NOS1AP: variants seen among roughly 807,000 people sequenced by gnomAD.
NOS1AP encodes carboxyl-terminal PDZ ligand of neuronal nitric oxide synthase protein.
NOS1AP carries 21 observed loss-of-function variants against 56.2 expected under a neutral mutation model. That is an observed-to-expected ratio of 0.37 (90% CI 0.26 to 0.54). The LOEUF (loss-of-function observed/expected upper bound fraction) is 0.54, where lower values mean the gene tolerates loss of function less well. Among genes scored for constraint, NOS1AP ranks in the 20% least tolerant of loss-of-function variants. The probability of loss-of-function intolerance (pLI) is 0.84; values close to 1 mark genes in which losing one functional copy is unlikely to be tolerated. For missense variants in NOS1AP, 522 were observed against 657.8 expected (o/e 0.79, Z 2.26); for synonymous variants, 270 against 274.6 (o/e 0.98, Z 0.17).
intron 2 of NOS1AP, among the ~76,000 whole-genome samples, chr1:162,205,342 T>C (rs1652123126): frequency 6.6e-6 from 1 of 152,256 alleles, no homozygotes; most frequent in Non-Finnish European, 1.5e-5. Context: ...TTAGATGGTC[T>C]GGATGTTTAG....
At chr1:162,116,816 T>G (rs1267386894) in intron 1 of NOS1AP, among the ~76,000 whole-genome samples, 1 of 152,180 alleles carries the variant, frequency 6.6e-6, no homozygotes, top group African/African-American at 2.4e-5. Context: ...AGAACTTCAC[T>G]TGCCTGCCCC....
At chr1:162,337,083 G>A (rs909700142) in intron 5 of NOS1AP, among the ~76,000 whole-genome samples, 3 of 152,184 alleles carry the variant, frequency 2.0e-5, no homozygotes, top group South Asian at 2.1e-4. Flanking sequence ...GACCTCTCCC[G>A]TGGAGTGGAT....
intron 2 of NOS1AP, among the ~76,000 whole-genome samples, chr1:162,265,939 A>G (rs1480058339): frequency 6.6e-6 from 1 of 152,220 alleles, no homozygotes; most frequent in Non-Finnish European, 1.5e-5. Flanking sequence ...TCTGCCTAGT[A>G]TGACCCTGAC....
At chr1:162,321,572 G>A (rs1656413297) in intron 4 of NOS1AP, among the ~76,000 whole-genome samples, 1 of 151,918 alleles carries the variant, frequency 6.6e-6, no homozygotes, top group Non-Finnish European at 1.5e-5. Context: ...CCTGTTGTGG[G>A]GTAGGGGTAG....
intron 2 of NOS1AP, among the ~76,000 whole-genome samples, chr1:162,238,928 A>G (rs1653392078): frequency 6.6e-6 from 1 of 152,214 alleles, no homozygotes; most frequent in Non-Finnish European, 1.5e-5. Context: ...ATTAGAAATC[A>G]GAGTCAATAT....
At chr1:162,366,971 A>G in intron 9 of NOS1AP, 81 bp from the exon 10 acceptor site, 2 of 1,548,396 alleles carry the variant, frequency 1.3e-6, no homozygotes, top group Non-Finnish European at 1.8e-6. Context: ...TTGGCAGGGC[A>G]CGGGCGGGCA....
At chr1:162,174,092 A>G (rs905321193) in intron 2 of NOS1AP, among the ~76,000 whole-genome samples, 14 of 152,208 alleles carry the variant, frequency 9.2e-5, no homozygotes, top group Admixed American at 8.5e-4. Context: ...TCATGCTGCT[A>G]TAAAGATACA....
chr1:162,346,981 A>T (rs1233137766), intron 6 of NOS1AP, among the ~76,000 whole-genome samples: 1 of 152,172 alleles, frequency 6.6e-6, no homozygotes, highest in African/African-American at 2.4e-5. Context: ...TCTGTGATCT[A>T]GGGCTTAGAG....
chr1:162,367,164 G>A lies in NOS1AP; in HGVS notation c.1218G>A (p.Ala406=). 6.2e-7 allele frequency: 1 copy of A among 1,613,828 alleles called. No homozygotes were observed. The highest frequency in any genetic ancestry group is 8.5e-7 in the Non-Finnish European group (1 of 1,179,962). ...PEDLHSPPLG[A]GLADFAHPAG... ...ACCTGCATTCGCCGCCGCTGGGCGCGGGCTTGGCTGACTTTGCCCACCCTG... is the reference window on the plus strand; with the variant it reads ...ACCTGCATTCGCCGCCGCTGGGCGCAGGCTTGGCTGACTTTGCCCACCCTG... Residue 406 remains alanine, a synonymous_variant, in exon 10 of 10, where the codon GCG becomes GCA. Transcript: ENST00000361897. This position sits in a 1 kb window ranked among gnomAD's most constrained non-coding sequence, Gnocchi z 6.5.
intron 2 of NOS1AP, among the ~76,000 whole-genome samples, chr1:162,180,545 A>G (rs937768242): frequency 3.3e-5 from 5 of 152,116 alleles, no homozygotes; most frequent in African/African-American, 9.7e-5. Flanking sequence ...CGCCCGGCCA[A>G]TGTGTTACGT....
intron 2 of NOS1AP, among the ~76,000 whole-genome samples, chr1:162,162,650 C>T (rs1250662364): frequency 6.6e-6 from 1 of 152,182 alleles, no homozygotes; most frequent in African/African-American, 2.4e-5. Flanking sequence ...CTGACTTTAA[C>T]ATTCTTAATT....
At chr1:162,301,218 C>T (rs1318573102) in intron 4 of NOS1AP, among the ~76,000 whole-genome samples, 2 of 152,190 alleles carry the variant, frequency 1.3e-5, no homozygotes, top group African/African-American at 4.8e-5. Context: ...TCCTAACCCC[C>T]AAGATGATGG....
At chr1:162,350,463 G>A (rs972238099) in intron 6 of NOS1AP, among the ~76,000 whole-genome samples, 2 of 152,166 alleles carry the variant, frequency 1.3e-5, no homozygotes, top group African/African-American at 4.8e-5. Flanking sequence ...TCCAAGCCAG[G>A]TGGAGCCACT....
Position 162,318,231 on chromosome 1 carries a change from G to GATA in NOS1AP, c.345-14785_345-14784insTAA, listed in dbSNP as rs1656293559. ...TTTTGCCATCCTAAAAAGAAAAGAT[G>GATA]ACCCTCAAACCCACCATCCTGTCTT... On this transcript the variant is annotated intron_variant, in intron 4 of 9. Coordinates refer to ENST00000361897, the MANE Select transcript of NOS1AP (RefSeq NM_014697.3). Among the ~76,000 whole-genome samples the GATA allele has an allele frequency of 1.3e-4, 20 of 152,274 alleles. 2 individuals carry two copies. The South Asian group carries it at 2.1e-3, about 16-fold the overall frequency.
At chr1:162,234,663 C>T (rs1302112151) in intron 2 of NOS1AP, among the ~76,000 whole-genome samples, 1 of 152,098 alleles carries the variant, frequency 6.6e-6, no homozygotes, top group Non-Finnish European at 1.5e-5. Context: ...TCCTGTTCTC[C>T]ATGATGTTTC....
intron 1 of NOS1AP, among the ~76,000 whole-genome samples, chr1:162,116,496 G>T (rs1430066670): frequency 6.6e-6 from 1 of 152,080 alleles, no homozygotes; most frequent in Non-Finnish European, 1.5e-5. Context: ...TTTGTGCTTG[G>T]CATGGTTCGA....
chr1:162,325,976 G>T (rs1014405692), intron 4 of NOS1AP, among the ~76,000 whole-genome samples: 5 of 151,982 alleles, frequency 3.3e-5, no homozygotes, highest in Admixed American at 3.3e-4. Flanking sequence ...ACATTTCTAA[G>T]TTTGTTTCCA....
In NOS1AP at chr1:162,080,011, G is replaced by T. The variant is rs1691850203; in HGVS notation, c.105+9729G>T. The stretch of plus-strand genomic sequence containing the variant: ...GTTCCAGCCCTTTAATCCTTGTCAG[G>T]ATTAAAAATCACAGAATCTTAAGTA... On this transcript the variant is annotated intron_variant, in intron 1 of 9. Coordinates refer to ENST00000361897, the MANE Select transcript of NOS1AP (RefSeq NM_014697.3). 2.0e-5 allele frequency among the ~76,000 whole-genome samples: 3 copies of T among 152,120 alleles called. 1 individual carries two copies. In the South Asian group the frequency reaches 6.2e-4, roughly 32 times the overall value.
chr1:162,109,612 A>G (rs1451544305), intron 1 of NOS1AP, among the ~76,000 whole-genome samples: 2 of 152,140 alleles, frequency 1.3e-5, no homozygotes, highest in African/African-American at 2.4e-5. Flanking sequence ...TAAGCTTTTC[A>G]GTGGTAAAAC....
Sources: allele counts gnomAD v4.1 joint callset (sites outside exome capture counted in the v4.1 genomes callset), GRCh38; gene constraint gnomAD v4.1.1; non-coding constraint Gnocchi (gnomAD v3.1); transcripts MANE v1.5; gene names NCBI Gene and HGNC (gene_info 2026-07-23, HGNC 2026-07-21).